TAFA4: variants seen among roughly 807,000 people sequenced by gnomAD.
TAFA4 encodes TAFA chemokine like family member 4.
TAFA4 carries 20 observed loss-of-function variants against 21.1 expected under a neutral mutation model. The observed-to-expected ratio is 0.95, with a 90% CI of 0.67 to 1.38. The LOEUF (loss-of-function observed/expected upper bound fraction) is 1.38, where lower values mean the gene tolerates loss of function less well. TAFA4 is among the 40% of genes most tolerant of loss of function. The pLI, the probability that TAFA4 is intolerant of heterozygous loss-of-function variation, is 0.00. For synonymous variants in TAFA4, 71 were observed against 67.4 expected, an observed-to-expected ratio of 1.05 and a Z score of -0.26; for missense variants, 211 against 180.9, an observed-to-expected ratio of 1.17 and a Z score of -0.95.
intron 3 of TAFA4, among the ~76,000 whole-genome samples, chr3:68,846,905 G>A (rs1051414390): frequency 4.2e-5 from 6 of 141,466 alleles, no homozygotes; most frequent in African/African-American, 1.6e-4. Flanking sequence ...TCATCCCAGA[G>A]GGGCACTCAC....
chr3:68,853,230 G>GAA, intron 3 of TAFA4, among the ~76,000 whole-genome samples: 1 of 151,508 alleles, frequency 6.6e-6, no homozygotes, highest in African/African-American at 2.4e-5. Context: ...TAGAGTTAAG[G>GAA]AAAAAAAACT....
rs188208989 is a variant in TAFA4 at position 68,891,253 on chromosome 3, C to T, written c.-122-5943G>A. 1.6e-3 allele frequency among the ~76,000 whole-genome samples: 248 copies of T among 152,260 alleles called. 3 individuals are homozygous for T. Among genetic ancestry groups the T allele is most frequent in the African/African-American group, 5.8e-3 (242 of 41,558 alleles). ...TTTTGTCTGTGCATCCACTCAAACT[C>T]ATCTCCTAACACATTTGAATTCAAA... is the stretch of plus-strand genomic sequence containing the variant. On this transcript the variant is annotated intron_variant, in intron 1 of 5. Coordinates refer to ENST00000295569, the MANE Select transcript of TAFA4 (RefSeq NM_182522.5).
chr3:68,841,961 G>C (rs984168650), intron 3 of TAFA4, among the ~76,000 whole-genome samples: 3 of 152,150 alleles, frequency 2.0e-5, no homozygotes, highest in African/African-American at 2.4e-5. Context: ...GAGTATTTGG[G>C]TTGGTTCCAA....
intron 3 of TAFA4, among the ~76,000 whole-genome samples, chr3:68,753,659 A>G (rs890683453): frequency 1.3e-5 from 2 of 152,012 alleles, no homozygotes; most frequent in Non-Finnish European, 2.9e-5. Context: ...TAAGAGAGGC[A>G]GTGTAGCCTG....
At chr3:68,874,732 C>T (rs1205545993) in intron 3 of TAFA4, among the ~76,000 whole-genome samples, 1 of 152,040 alleles carries the variant, frequency 6.6e-6, no homozygotes, top group African/African-American at 2.4e-5. Context: ...CTCACAAGCT[C>T]ATTTGAGGAA....
At chr3:68,896,714 A>G (rs1229126311) in intron 1 of TAFA4, among the ~76,000 whole-genome samples, 1 of 152,198 alleles carries the variant, frequency 6.6e-6, no homozygotes, top group Non-Finnish European at 1.5e-5. Flanking sequence ...CTATCTGGAG[A>G]GTAGGGTACC....
intron 3 of TAFA4, among the ~76,000 whole-genome samples, chr3:68,816,261 C>T (rs1362531948): frequency 6.6e-6 from 1 of 152,102 alleles, no homozygotes; most frequent in East Asian, 1.9e-4. Flanking sequence ...CACATGTATA[C>T]ATATGTAACA....
chr3:68,771,484 G>C (rs941046124), intron 3 of TAFA4, among the ~76,000 whole-genome samples: 1 of 152,178 alleles, frequency 6.6e-6, no homozygotes, highest in South Asian at 2.1e-4. Context: ...CTGAAAATAT[G>C]AGCCACACCC....
At chr3:68,876,738 G>GAA (rs71819894) in intron 3 of TAFA4, among the ~76,000 whole-genome samples, 7 of 148,816 alleles carry the variant, frequency 4.7e-5, no homozygotes, top group African/African-American at 1.5e-4. Flanking sequence ...ATTTATAACA[G>GAA]AAAAAAAAAC....
chr3:68,746,238 C>T (rs778590497), intron 4 of TAFA4, among the ~76,000 whole-genome samples: 8 of 152,166 alleles, frequency 5.3e-5, no homozygotes, highest in South Asian at 4.2e-4. Context: ...ACTGGCTTCC[C>T]GGCTCCTCAG....
At chr3:68,782,834 T>C (rs1575606459) in intron 3 of TAFA4, among the ~76,000 whole-genome samples, 2 of 152,208 alleles carry the variant, frequency 1.3e-5, no homozygotes, top group African/African-American at 4.8e-5. Context: ...ATGATGGTTG[T>C]ACAACATTGT....
chr3:68,860,128 G>A (rs2089314519), intron 3 of TAFA4, among the ~76,000 whole-genome samples: 1 of 151,958 alleles, frequency 6.6e-6, no homozygotes, highest in South Asian at 2.1e-4. Context: ...ATTGTTTATC[G>A]ACTTCCTTTC....
intron 1 of TAFA4, 146 bp from the exon 2 acceptor site, chr3:68,885,456 T>G: frequency 4.1e-6 from 2 of 493,080 alleles, no homozygotes; most frequent in South Asian, 5.8e-5. Context: ...ATATCCATAG[T>G]TGTAAGGTGT....
At chr3:68,741,881 G>A (rs372641110) in intron 4 of TAFA4, among the ~76,000 whole-genome samples, 16 of 152,006 alleles carry the variant, frequency 1.1e-4, no homozygotes, top group Admixed American at 4.6e-4. Context: ...ATTTAATAAC[G>A]CCGGCATTAC....
intron 3 of TAFA4, among the ~76,000 whole-genome samples, chr3:68,826,568 G>C (rs1413627254): frequency 4.8e-4 from 43 of 88,812 alleles, no homozygotes; most frequent in Non-Finnish European, 6.1e-4. Context: ...GCGAGACTCT[G>C]CCTCAAAAAA....
intron 3 of TAFA4, among the ~76,000 whole-genome samples, chr3:68,770,449 A>C (rs911339421): frequency 1.3e-4 from 20 of 152,222 alleles, no homozygotes; most frequent in African/African-American, 4.6e-4. Context: ...AAATTTCTGA[A>C]ATAAGCAAAG....
chr3:68,845,331 C>T (rs1284219305), intron 3 of TAFA4, among the ~76,000 whole-genome samples: 1 of 151,710 alleles, frequency 6.6e-6, no homozygotes, highest in Admixed American at 6.6e-5. Flanking sequence ...GTATTGCAAC[C>T]CCTACTTTTT....
intron 5 of TAFA4, 151 bp downstream of exon 5, chr3:68,738,924 C>T: frequency 2.8e-6 from 3 of 1,069,580 alleles, no homozygotes; most frequent in Non-Finnish European, 3.9e-6. Flanking sequence ...GGGAAATGCG[C>T]TTTTCAAAAA....
intron 3 of TAFA4, among the ~76,000 whole-genome samples, chr3:68,790,726 G>GA (rs1174799353): frequency 6.6e-6 from 1 of 152,118 alleles, no homozygotes; most frequent in Non-Finnish European, 1.5e-5. Flanking sequence ...AGTAACAAAG[G>GA]AAAATGTGCC....
Sources: gnomAD v4.1 joint callset for allele counts (sites outside exome capture counted in the v4.1 genomes callset) on GRCh38, gnomAD v4.1.1 for gene constraint, MANE v1.5 for transcripts, NCBI Gene and HGNC (gene_info 2026-07-23, HGNC 2026-07-21) for gene names.